Variants in CDYL2 observed in about 807,000 individuals in gnomAD.
The protein encoded by CDYL2 is chromodomain Y like 2.
A neutral mutation model predicts 49.4 loss-of-function variants in CDYL2; 23 were observed. The ratio of observed to expected loss-of-function variants is 0.47; its 90% CI spans 0.34 to 0.66. CDYL2 has a LOEUF of 0.66. Among genes scored for constraint, CDYL2 ranks in the 30% least tolerant of loss-of-function variants. The probability of loss-of-function intolerance (pLI) is 0.01; values close to 1 mark genes in which losing one functional copy is unlikely to be tolerated. For missense variants in CDYL2, 678 were observed against 656.4 expected, an observed-to-expected ratio of 1.03 and a Z score of -0.36; for synonymous variants, 360 against 268.8, an observed-to-expected ratio of 1.34 and a Z score of -3.32.
chr16:80,617,933 T>C (rs1455728931), intron 4 of CDYL2, among the ~76,000 whole-genome samples: 1 of 152,188 alleles, frequency 6.6e-6, no homozygotes, highest in African/African-American at 2.4e-5. Flanking sequence ...AAAGATGCGC[T>C]GGCCCCACCT....
chr16:80,727,289 C>T (rs982753235), intron 1 of CDYL2, among the ~76,000 whole-genome samples: 5 of 152,188 alleles, frequency 3.3e-5, no homozygotes, highest in East Asian at 1.9e-4. Flanking sequence ...ACTCGGCAAG[C>T]GCAAGGGGTC....
intron 1 of CDYL2, among the ~76,000 whole-genome samples, chr16:80,797,681 G>C (rs539853547): frequency 6.6e-6 from 1 of 152,096 alleles, no homozygotes; most frequent in South Asian, 2.1e-4. Context: ...TTAAACCACT[G>C]TTATTGTACA....
chr16:80,631,158 C>T (rs1031139549), intron 3 of CDYL2, among the ~76,000 whole-genome samples: 1 of 152,266 alleles, frequency 6.6e-6, no homozygotes, highest in Non-Finnish European at 1.5e-5. Flanking sequence ...GCTGTGAGAC[C>T]CTAGCCCAGT....
At chr16:80,680,752 T>G (rs1909937294) in intron 2 of CDYL2, among the ~76,000 whole-genome samples, 1 of 152,192 alleles carries the variant, frequency 6.6e-6, no homozygotes, top group South Asian at 2.1e-4. Flanking sequence ...CAGATGGATC[T>G]ATGAACCATC....
At chr16:80,655,867 T>G (rs1024566651) in intron 2 of CDYL2, among the ~76,000 whole-genome samples, 3 of 152,014 alleles carry the variant, frequency 2.0e-5, no homozygotes, top group Non-Finnish European at 4.4e-5. Flanking sequence ...TCGAGGTCCC[T>G]CTCCTTCAGG....
chr16:80,724,604 G>A lies in CDYL2; in HGVS notation c.25-39475C>T, dbSNP rs528037903. ...ATGACCTGGCATGAACTATATCAGT[G>A]TGTATTGCCTGTAATATTGTTTTAT... On this transcript the variant is annotated intron_variant, in intron 1 of 6. Coordinates refer to ENST00000570137, the MANE Select transcript of CDYL2 (RefSeq NM_152342.4). Among the ~76,000 whole-genome samples the A allele has an allele frequency of 1.4e-4, 22 of 152,266 alleles. 1 individual carries two copies. In the South Asian group the frequency reaches 3.5e-3, roughly 24 times the overall value.
intron 3 of CDYL2, among the ~76,000 whole-genome samples, chr16:80,622,178 G>T (rs1039639915): frequency 6.6e-6 from 1 of 152,172 alleles, no homozygotes; most frequent in South Asian, 2.1e-4. Context: ...AGAAGGAGAG[G>T]ACTCAGCCCC....
At chr16:80,659,605 A>C (rs1908959254) in intron 2 of CDYL2, among the ~76,000 whole-genome samples, 1 of 152,026 alleles carries the variant, frequency 6.6e-6, no homozygotes, top group African/African-American at 2.4e-5. Context: ...ATGTGTATAT[A>C]TTATAAATAT....
intron 1 of CDYL2, among the ~76,000 whole-genome samples, chr16:80,722,777 T>A (rs892436218): frequency 6.6e-6 from 1 of 152,192 alleles, no homozygotes; most frequent in Non-Finnish European, 1.5e-5. Flanking sequence ...CCACAGTCCA[T>A]GCACTCTTCA....
At chr16:80,759,105 T>TATATATATATATG (rs1906423833) in intron 1 of CDYL2, among the ~76,000 whole-genome samples, 1 of 31,134 alleles carries the variant, frequency 3.2e-5, no homozygotes, top group Non-Finnish European at 8.7e-5. Flanking sequence ...CCATATACTA[T>TATATATATATATG]ATATATATAT....
intron 3 of CDYL2, among the ~76,000 whole-genome samples, chr16:80,625,313 A>G (rs186457478): frequency 1.3e-5 from 2 of 152,302 alleles, no homozygotes; most frequent in East Asian, 3.9e-4. Context: ...CAAAGGCAAT[A>G]ATGCCGAGCT....
intron 6 of CDYL2, among the ~76,000 whole-genome samples, chr16:80,607,684 G>A (rs545266355): frequency 6.6e-6 from 1 of 152,232 alleles, no homozygotes; most frequent in Non-Finnish European, 1.5e-5. Flanking sequence ...GAAAACAAAT[G>A]AAATAGAGGC....
At chr16:80,723,237 T>C (rs544450065) in intron 1 of CDYL2, among the ~76,000 whole-genome samples, 1 of 152,342 alleles carries the variant, frequency 6.6e-6, no homozygotes, top group African/African-American at 2.4e-5. Context: ...CTTTTCCTCC[T>C]GGCACAAAGG....
intron 2 of CDYL2, among the ~76,000 whole-genome samples, chr16:80,639,170 G>A (rs943663458): frequency 6.6e-6 from 1 of 152,146 alleles, no homozygotes; most frequent in Non-Finnish European, 1.5e-5. Flanking sequence ...ACACACATTA[G>A]ACTAGCTAAC....
intron 2 of CDYL2, chr16:80,679,609 A>C: frequency 2.3e-6 from 1 of 437,626 alleles, no homozygotes; most frequent in African/African-American, 2.0e-5. Flanking sequence ...CATCTCAGGG[A>C]AGTACTTATA....
chr16:80,734,066 C>T (rs1307214249), intron 1 of CDYL2, among the ~76,000 whole-genome samples: 2 of 152,108 alleles, frequency 1.3e-5, no homozygotes, highest in East Asian at 1.9e-4. Flanking sequence ...AAGTTACAGT[C>T]AAGGAATTTA....
intron 5 of CDYL2, among the ~76,000 whole-genome samples, chr16:80,609,254 A>G (rs983328262): frequency 5.3e-5 from 8 of 152,348 alleles, no homozygotes; most frequent in African/African-American, 1.9e-4. Context: ...TAATTAGGGC[A>G]TAATGGTCAA....
chr16:80,646,276 T>C (rs1235035292), intron 2 of CDYL2, among the ~76,000 whole-genome samples: 3 of 151,360 alleles, frequency 2.0e-5, no homozygotes, highest in South Asian at 4.2e-4. Flanking sequence ...AAATATATAA[T>C]GAATACAAAA....
chr16:80,622,978 A>C (rs935564583), intron 3 of CDYL2, among the ~76,000 whole-genome samples: 1 of 152,200 alleles, frequency 6.6e-6, no homozygotes, highest in African/African-American at 2.4e-5. Context: ...AGGGAAACTG[A>C]GGCTCAGAGA....
Sources: gnomAD v4.1 joint callset for allele counts (sites outside exome capture counted in the v4.1 genomes callset) on GRCh38, gnomAD v4.1.1 for gene constraint, MANE v1.5 for transcripts, NCBI Gene and HGNC (gene_info 2026-07-23, HGNC 2026-07-21) for gene names.